The following EIF2AK1 variants were observed in gnomAD, a reference collection of about 807,000 sequenced individuals.
EIF2AK1 encodes eukaryotic translation initiation factor 2-alpha kinase 1.
Under a neutral mutation model 77.9 loss-of-function variants are expected in EIF2AK1, and 54 were observed. The observed-to-expected ratio is 0.69, with a 90% CI of 0.56 to 0.87. The LOEUF is 0.87. Among genes scored for constraint, EIF2AK1 ranks in the 40% least tolerant of loss-of-function variants. The pLI is 0.00. For missense variants in EIF2AK1, 810 were observed against 768.6 expected, an observed-to-expected ratio of 1.05 and a Z score of -0.64; for synonymous variants, 314 against 290.5, an observed-to-expected ratio of 1.08 and a Z score of -0.82.
intron 9 of EIF2AK1, 46 bp downstream of exon 9, chr7:6,040,846 G>C: frequency 1.3e-6 from 2 of 1,508,260 alleles, no homozygotes; most frequent in Non-Finnish European, 1.8e-6. Flanking sequence ...CACCTGCACA[G>C]TCACCAATAC....
chr7:6,029,047 A>C lies in EIF2AK1; in HGVS notation c.1333-15T>G. The C allele has an allele frequency of 6.4e-7, 1 of 1,573,714 alleles. No homozygotes were observed. The highest frequency in any genetic ancestry group is 8.7e-7 in the Non-Finnish European group (1 of 1,148,694). Reference sequence around the variant, plus strand: ...ATATTTCTTGGCTATCAACAAACAAAACAAGTCAACTCCTTGGCTTTCTTA... The same window carrying C: ...ATATTTCTTGGCTATCAACAAACAACACAAGTCAACTCCTTGGCTTTCTTA... On this transcript the variant is annotated splice_polypyrimidine_tract_variant and intron_variant, in intron 11 of 14. Transcript: ENST00000199389.
In EIF2AK1 at chr7:6,023,808, G is replaced by A. The variant is rs1787653499; in HGVS notation, c.*865C>T. 2.5e-6 allele frequency: 4 copies of A among 1,579,098 alleles called. No individual in the cohort carries two copies. Among genetic ancestry groups the A allele is most frequent in the Non-Finnish European group, 2.6e-6 (3 of 1,160,978 alleles). On this transcript the variant is annotated 3_prime_UTR_variant, in exon 15 of 15. Coordinates refer to ENST00000199389, the MANE Select transcript of EIF2AK1 (RefSeq NM_014413.4). ...TCTTTTTATTTAGGCCAGTTGTCAA[G>A]TGTCAATAAAAGCATCATGTAATTT...
intron 3 of EIF2AK1, among the ~76,000 whole-genome samples, chr7:6,049,113 T>A (rs1583495387): frequency 1.3e-5 from 2 of 152,230 alleles, no homozygotes; most frequent in East Asian, 3.9e-4. Context: ...GCGTGTATGG[T>A]GGCACCTGGC....
chr7:6,040,870 A>T, intron 9 of EIF2AK1, 22 bp downstream of exon 9: 8 of 1,599,296 alleles, frequency 5.0e-6, no homozygotes, highest in African/African-American at 4.0e-5. Context: ...CCAAATTAGG[A>T]GGGTCTGGGA....
chr7:6,041,339 G>A (rs1788291212), intron 8 of EIF2AK1, 120 bp from the exon 9 acceptor site: 1 of 1,016,816 alleles, frequency 9.8e-7, no homozygotes, highest in African/African-American at 1.6e-5. Flanking sequence ...AGGAGTTGGA[G>A]ACCAGCTTAC....
chr7:6,055,982 CAAAAAAAAA>C (rs755531680), intron 1 of EIF2AK1, among the ~76,000 whole-genome samples: 1 of 23,984 alleles, frequency 4.2e-5, no homozygotes, highest in Non-Finnish European at 6.8e-5. Flanking sequence ...AACTCTGTCT[CAAAAAAAAA>C]AAAAAAAAAA....
Position 6,024,476 on chromosome 7 carries a change from G to T in EIF2AK1, c.*197C>A. 1 of 1,418,814 alleles carries T rather than the reference G, an allele frequency of 7.0e-7. No individual in the cohort carries two copies. The highest frequency in any genetic ancestry group is 2.6e-5 in the East Asian group (1 of 38,076). 87.9% of individuals were successfully genotyped at this position (1,418,814 alleles called of 1,614,324 possible). ...TTTAGTTTCAGAGACTAGGCATATG[G>T]TTAATATTTAGGTAGGAAATTCAGG... On this transcript the variant is annotated 3_prime_UTR_variant, in exon 15 of 15. Coordinates refer to ENST00000199389, the MANE Select transcript of EIF2AK1 (RefSeq NM_014413.4).
chr7:6,038,422 G>C, intron 10 of EIF2AK1, 138 bp downstream of exon 10: 1 of 586,490 alleles, frequency 1.7e-6, no homozygotes, highest in Non-Finnish European at 2.9e-6. Context: ...GCAACAAACA[G>C]AGCAAAGCTC....
At position 6,036,395 on chromosome 7, in the gene EIF2AK1, C is replaced by T; in HGVS notation, c.1332+1029G>A. The T allele has an allele frequency of 6.9e-7, 1 of 1,448,246 alleles. No homozygotes were observed. The highest frequency in any genetic ancestry group is 1.5e-5 in the South Asian group (1 of 68,208). 89.7% of individuals were successfully genotyped at this position (1,448,246 alleles called of 1,614,324 possible). ...TGGCATATACCTCTTGAAATAAGAC[C>T]TCCCAGTTTCACAGCAGAGGGACTT... On this transcript the variant is annotated intron_variant, in intron 11 of 14. Transcript: ENST00000199389. This position sits in a 1 kb window ranked among gnomAD's most constrained non-coding sequence, Gnocchi z 4.6.
In EIF2AK1 at chr7:6,059,094, G is replaced by C; in HGVS notation, c.-11C>G. The C allele has an allele frequency of 7.3e-7, 1 of 1,373,334 alleles. No individual in the cohort carries two copies. The highest frequency in any genetic ancestry group is 9.3e-7 in the Non-Finnish European group (1 of 1,069,720). 85.1% of individuals were successfully genotyped at this position (1,373,334 alleles called of 1,614,324 possible). ...GTTGCCCCCCTGCATCGCCGGCCGC[G>C]CGCGGGCCGCAGCCCAGCCCGCCGG... is the stretch of plus-strand genomic sequence containing the variant. On this transcript the variant is annotated 5_prime_UTR_variant, in exon 1 of 15. Transcript: ENST00000199389.
chr7:6,056,613 A>AAATATATATATATATATATAT, intron 1 of EIF2AK1, among the ~76,000 whole-genome samples: 31 of 43,724 alleles, frequency 7.1e-4, no homozygotes, highest in Non-Finnish European at 3.3e-4. Context: ...AAAAAAAAAA[A>AAATATATATATATATATATAT]ATATATATAT....
Position 6,024,177 on chromosome 7 carries a change from G to T in EIF2AK1, c.*496C>A. ...GCACACTGTACACTGTTAAGAAGTT[G>T]AGCTTTTATCTTAGAGGCAGCAGAA... On this transcript the variant is annotated 3_prime_UTR_variant, in exon 15 of 15. Coordinates refer to ENST00000199389, the MANE Select transcript of EIF2AK1 (RefSeq NM_014413.4). 7.9e-7 allele frequency: 1 copy of T among 1,268,542 alleles called. No individual in the cohort carries two copies. The highest frequency in any genetic ancestry group is 1.0e-6 in the Non-Finnish European group (1 of 977,158). 78.6% of individuals were successfully genotyped at this position (1,268,542 alleles called of 1,614,324 possible).
chr7:6,056,613 A>AAATTATATATATATATATAT, intron 1 of EIF2AK1, among the ~76,000 whole-genome samples: 1 of 43,730 alleles, frequency 2.3e-5, no homozygotes, highest in Admixed American at 2.4e-4. Context: ...AAAAAAAAAA[A>AAATTATATATATATATATAT]ATATATATAT....
At position 6,042,999 on chromosome 7, in the gene EIF2AK1, T is replaced by C. The variant is rs375686681; in HGVS notation, c.731-6A>G. ...CTCAATGGCAGCTCTGTCTGCTGAA[T>C]GAAAACAAACAACAATCATCTTCAA... On this transcript the variant is annotated splice_polypyrimidine_tract_variant and splice_region_variant and intron_variant, in intron 7 of 14. Coordinates refer to ENST00000199389, the MANE Select transcript of EIF2AK1 (RefSeq NM_014413.4). The C allele has an allele frequency of 3.1e-5, 50 of 1,614,008 alleles. No individual in the cohort carries two copies. In the African/African-American group the frequency reaches 4.4e-4, roughly 14 times the overall value.
intron 7 of EIF2AK1, among the ~76,000 whole-genome samples, chr7:6,044,101 A>G (rs1400853781): frequency 6.6e-6 from 1 of 151,936 alleles, no homozygotes; most frequent in African/African-American, 2.4e-5. Context: ...TCTGTCTCAA[A>G]AAAAAGAAAA....
rs1294936584 is a variant in EIF2AK1 at position 6,022,711 on chromosome 7, G to A, written c.*1962C>T. ...GGGGGGACTGTGAGCATTTGGGGAA[G>A]GGGGTTCTGTCCAACCAGGCAAAGC... On this transcript the variant is annotated 3_prime_UTR_variant, in exon 15 of 15. Transcript: ENST00000199389. 2 of 152,364 alleles carry A rather than the reference G, an allele frequency of 1.3e-5. No individual in the cohort carries two copies. The highest frequency in any genetic ancestry group is 2.9e-5 in the Non-Finnish European group (2 of 68,232). 9.4% of individuals were successfully genotyped at this position (152,364 alleles called of 1,614,324 possible).
intron 9 of EIF2AK1, 42 bp downstream of exon 9, chr7:6,040,850 C>T: frequency 3.2e-6 from 5 of 1,538,648 alleles, no homozygotes; most frequent in South Asian, 1.1e-5. Flanking sequence ...TGCACAGTCA[C>T]CAATACTGGC....
At chr7:6,025,813 T>G (rs1333883863) in intron 14 of EIF2AK1, among the ~76,000 whole-genome samples, 3 of 151,666 alleles carry the variant, frequency 2.0e-5, no homozygotes, top group Non-Finnish European at 4.4e-5. Flanking sequence ...TTTTGTACTT[T>G]TAGTAGATGG....
rs778532637 is a variant in EIF2AK1 at position 6,036,447 on chromosome 7, C to T, written c.1332+977G>A. 2.2e-4 allele frequency: 277 copies of T among 1,234,978 alleles called. 1 individual carries two copies. Among genetic ancestry groups the T allele is most frequent in the Non-Finnish European group, 2.6e-4 (243 of 925,962 alleles). The allele number at this position is 1,234,978 out of a possible 1,614,324, so 76.5% of individuals were successfully genotyped here. On this transcript the variant is annotated intron_variant, in intron 11 of 14. Coordinates refer to ENST00000199389, the MANE Select transcript of EIF2AK1 (RefSeq NM_014413.4). The surrounding 1 kb of genome is among the most constrained non-coding windows in gnomAD (Gnocchi z 4.6). ...CAGCCACTCAAACTGCATTTTCTGG[C>T]TAGACATGTCCCAGAAAATGCTTCA...
Sources: allele counts gnomAD v4.1 joint callset (sites outside exome capture counted in the v4.1 genomes callset), GRCh38; gene constraint gnomAD v4.1.1; non-coding constraint Gnocchi (gnomAD v3.1); transcripts MANE v1.5; gene names NCBI Gene and HGNC (gene_info 2026-07-23, HGNC 2026-07-21).